PLGLB1: variants seen among roughly 807,000 people sequenced by gnomAD.
The protein encoded by PLGLB1 is plasminogen-like protein B.
At chr2:87,018,356 A>G (rs1682363139) in intron 1 of PLGLB1, 1 of 63,096 alleles carries the variant, frequency 1.6e-5, no homozygotes, top group Admixed American at 1.3e-4. Flanking sequence ...ATTTCCTACA[A>G]TATGCGCTTT....
intron 1 of PLGLB1, among the ~76,000 whole-genome samples, chr2:87,019,130 G>T (rs1573662577): frequency 1.9e-5 from 2 of 105,114 alleles, no homozygotes; most frequent in South Asian, 5.9e-4. Flanking sequence ...GTCAGGGGAG[G>T]TTCTGAAAGA....
intron 3 of PLGLB1, among the ~76,000 whole-genome samples, chr2:87,014,460 A>ATGTCC (rs1323948340): frequency 6.7e-6 from 1 of 150,268 alleles, no homozygotes; most frequent in African/African-American, 2.4e-5. Context: ...ACATAGTATT[A>ATGTCC]CAGTAGACAT....
At position 87,010,837 on chromosome 2, in the gene PLGLB1, C is replaced by T. The variant is rs1682190820; in HGVS notation, c.*2284G>A. On this transcript the variant is annotated 3_prime_UTR_variant, in exon 4 of 4. Coordinates refer to ENST00000355705, the MANE Select transcript of PLGLB1 (RefSeq NM_001032392.4). Reference sequence around the variant, plus strand: ...TAGGAGAATCGCTTGAACCCGGAGGCGGAGGTTGTGGTGAGCTGAGATCGC... The same window carrying T: ...TAGGAGAATCGCTTGAACCCGGAGGTGGAGGTTGTGGTGAGCTGAGATCGC... 3.2e-5 allele frequency among the ~76,000 whole-genome samples: 2 copies of T among 61,928 alleles called. 1 individual carries two copies. Among genetic ancestry groups the T allele is most frequent in the Admixed American group, 2.8e-4 (2 of 7,210 alleles). 40.6% of individuals were successfully genotyped at this position (61,928 alleles called of 152,430 possible).
rs1682390998 is a variant in PLGLB1 at position 87,019,723 on chromosome 2, T to C, written c.49+2012A>G. 2.0e-5 allele frequency among the ~76,000 whole-genome samples: 2 copies of C among 101,240 alleles called. 1 individual carries two copies. The highest frequency in any genetic ancestry group is 7.3e-4 in the South Asian group (2 of 2,726). 66.4% of individuals were successfully genotyped at this position (101,240 alleles called of 152,430 possible). A position where few individuals can be genotyped will look rare whatever the true frequency, so the allele number is the denominator to read the frequency against. On this transcript the variant is annotated intron_variant, in intron 1 of 3. Transcript: ENST00000355705. ...TATTTCCCCCTTCAATTAAGTTCTC[T>C]GTGTCATGTTATTATACTTCATAGC...
At chr2:87,019,022 C>CA (rs2104877955) in intron 1 of PLGLB1, among the ~76,000 whole-genome samples, 1 of 99,598 alleles carries the variant, frequency 1.0e-5, no homozygotes, top group South Asian at 3.2e-4. Context: ...GGGCTGCAGG[C>CA]AGAGGGAGTG....
At chr2:87,020,883 G>C (rs1346329557) in intron 1 of PLGLB1, among the ~76,000 whole-genome samples, 4 of 149,236 alleles carry the variant, frequency 2.7e-5, no homozygotes, top group Non-Finnish European at 6.0e-5. Flanking sequence ...TGAAAAGTGA[G>C]AAGAGCCCTA....
At chr2:87,021,043 A>G (rs1033113973) in intron 1 of PLGLB1, among the ~76,000 whole-genome samples, 21 of 150,854 alleles carry the variant, frequency 1.4e-4, no homozygotes, top group Admixed American at 2.0e-4. Context: ...CTATACCGCG[A>G]GCTAAATAAG....
intron 3 of PLGLB1, chr2:87,013,387 G>T (rs1682268670): frequency 7.5e-6 from 1 of 133,792 alleles, no homozygotes; most frequent in Non-Finnish European, 1.4e-5. Flanking sequence ...GCAGCCAGAG[G>T]CTTGGCCATC....
chr2:87,021,142 CTAAG>C (rs1247927776), intron 1 of PLGLB1, among the ~76,000 whole-genome samples: 4 of 107,358 alleles, frequency 3.7e-5, no homozygotes, highest in Admixed American at 1.1e-4. Context: ...AACCCAAGCA[CTAAG>C]TGAGTATTTG....
At position 87,010,874 on chromosome 2, in the gene PLGLB1, C is replaced by G. The variant is rs1215462236; in HGVS notation, c.*2247G>C. Among the ~76,000 whole-genome samples the G allele has an allele frequency of 2.4e-5, 2 of 82,082 alleles. 1 individual carries two copies. The highest frequency in any genetic ancestry group is 1.4e-4 in the African/African-American group (2 of 14,026). The allele number at this position is 82,082 out of a possible 152,430, so 53.8% of individuals were successfully genotyped here. On this transcript the variant is annotated 3_prime_UTR_variant, in exon 4 of 4. Coordinates refer to ENST00000355705, the MANE Select transcript of PLGLB1 (RefSeq NM_001032392.4). Reference sequence around the variant, plus strand: ...TGAGCTGAGATCGCACCATTGCACTCTAGCCTGGGCAATGAGAGCAAAATT... The same window carrying G: ...TGAGCTGAGATCGCACCATTGCACTGTAGCCTGGGCAATGAGAGCAAAATT...
rs1682194001 is a variant in PLGLB1 at position 87,010,908 on chromosome 2, G to A, written c.*2213C>T. ...GCAATGAGAGCAAAATTCTGTCTCA[G>A]AAAAAAAAAAAAAATCAGGTTAATT... On this transcript the variant is annotated 3_prime_UTR_variant, in exon 4 of 4. Transcript: ENST00000355705. 1.0e-5 allele frequency among the ~76,000 whole-genome samples: 1 copy of A among 96,538 alleles called. No homozygotes were observed. The highest frequency in any genetic ancestry group is 5.4e-5 in the African/African-American group (1 of 18,436). The allele number at this position is 96,538 out of a possible 152,430, so 63.3% of individuals were successfully genotyped here.
intron 2 of PLGLB1, among the ~76,000 whole-genome samples, chr2:87,017,060 C>T (rs1408599547): frequency 1.5e-4 from 21 of 142,938 alleles, no homozygotes; most frequent in Non-Finnish European, 2.8e-4. Context: ...CCTTCTCTAG[C>T]TGCCTCAACC....
At chr2:87,021,041 C>T (rs1163358817) in intron 1 of PLGLB1, among the ~76,000 whole-genome samples, 11 of 151,016 alleles carry the variant, frequency 7.3e-5, no homozygotes, top group Middle Eastern at 3.4e-3. Flanking sequence ...ACCTATACCG[C>T]GAGCTAAATA....
At position 87,017,163 on chromosome 2, in the gene PLGLB1, A is replaced by G. The variant is rs185678125; in HGVS notation, c.185+390T>C. Reference sequence around the variant, plus strand: ...CTGTCTTTTTTTTTTTTAACATTATATCCAGTCACCTTAAATACTGAAGGG... The same window carrying G: ...CTGTCTTTTTTTTTTTTAACATTATGTCCAGTCACCTTAAATACTGAAGGG... On this transcript the variant is annotated intron_variant, in intron 2 of 3. Coordinates refer to ENST00000355705, the MANE Select transcript of PLGLB1 (RefSeq NM_001032392.4). Among the ~76,000 whole-genome samples, 226 of 144,354 alleles carry G rather than the reference A, an allele frequency of 1.6e-3. 2 individuals are homozygous for G. The highest frequency in any genetic ancestry group is 5.3e-3 in the African/African-American group (213 of 40,474). 94.7% of individuals were successfully genotyped at this position (144,354 alleles called of 152,430 possible). A position where few individuals can be genotyped will look rare whatever the true frequency, so the allele number is the denominator to read the frequency against.
intron 1 of PLGLB1, among the ~76,000 whole-genome samples, chr2:87,019,047 G>A (rs554255160): frequency 2.8e-5 from 3 of 107,182 alleles, no homozygotes; most frequent in East Asian, 2.5e-4. Context: ...ATAGAGTGAC[G>A]AGGAGAGCAG....
chr2:87,013,545 T>C (rs1374286465), intron 3 of PLGLB1: 1 of 99,878 alleles, frequency 1.0e-5, no homozygotes, highest in Non-Finnish European at 2.0e-5. Context: ...GGTTTTTAGA[T>C]GGGGGAATGG....
intron 2 of PLGLB1, among the ~76,000 whole-genome samples, chr2:87,017,195 C>T (rs2104876883): frequency 1.4e-5 from 2 of 140,818 alleles, no homozygotes; most frequent in East Asian, 4.0e-4. Context: ...AGGGCAGGCA[C>T]TGGATCTTGT....
chr2:87,013,763 G>T (rs1682281734), intron 3 of PLGLB1: 1 of 11,062 alleles, frequency 9.0e-5, no homozygotes, highest in Non-Finnish European at 1.8e-4. Context: ...GCCCACCTGG[G>T]TCCACATGCA....
rs1201024488 is a variant in PLGLB1, at chr2:87,010,909, A to G, written c.*2212T>C. On this transcript the variant is annotated 3_prime_UTR_variant, in exon 4 of 4. Coordinates refer to ENST00000355705, the MANE Select transcript of PLGLB1 (RefSeq NM_001032392.4). ...CAATGAGAGCAAAATTCTGTCTCAG[A>G]AAAAAAAAAAAAATCAGGTTAATTC... 2.1e-5 allele frequency among the ~76,000 whole-genome samples: 2 copies of G among 97,350 alleles called. No individual in the cohort carries two copies. Among genetic ancestry groups the G allele is most frequent in the Admixed American group, 1.8e-4 (2 of 10,928 alleles). The allele number at this position is 97,350 out of a possible 152,430, so 63.9% of individuals were successfully genotyped here.
Sources: allele counts gnomAD v4.1 joint callset (sites outside exome capture counted in the v4.1 genomes callset), GRCh38; gene constraint gnomAD v4.1.1; transcripts MANE v1.5; gene names NCBI Gene and HGNC (gene_info 2026-07-23, HGNC 2026-07-21).